The following CSMD1 variants were observed in gnomAD, a reference collection of about 807,000 sequenced individuals.
CSMD1 encodes CUB and Sushi multiple domains 1, also known as CUB and sushi domain-containing protein 1.
In CSMD1, 213 loss-of-function variants were observed where a neutral mutation model predicts 417.5. The ratio of observed to expected loss-of-function variants is 0.51; its 90% CI spans 0.46 to 0.57. The LOEUF (loss-of-function observed/expected upper bound fraction) is 0.57, where lower values mean the gene tolerates loss of function less well. Among genes scored for constraint, CSMD1 ranks in the 20% least tolerant of loss-of-function variants. The pLI is 0.00. For synonymous variants in CSMD1, 2,862 were observed against 1,736.8 expected, an observed-to-expected ratio of 1.65 and a Z score of -16.11; for missense variants, 6,923 against 4,529.7, an observed-to-expected ratio of 1.53 and a Z score of -15.17.
At chr8:3,545,427 A>C (rs757752606) in intron 10 of CSMD1, among the ~76,000 whole-genome samples, 1 of 152,216 alleles carries the variant, frequency 6.6e-6, no homozygotes, top group African/African-American at 2.4e-5. Flanking sequence ...CAAGGTGGCC[A>C]TTTCTGAAAA....
intron 3 of CSMD1, among the ~76,000 whole-genome samples, chr8:4,325,665 C>G (rs1384010016): frequency 6.6e-6 from 1 of 152,106 alleles, no homozygotes; most frequent in African/African-American, 2.4e-5. Flanking sequence ...AACCATCATG[C>G]TCATCTCTAG....
At position 4,403,218 on chromosome 8, in the gene CSMD1, C is replaced by A. The variant is rs745339524; in HGVS notation, c.415+16735G>T. Among the ~76,000 whole-genome samples, 4 of 152,118 alleles carry A rather than the reference C, an allele frequency of 2.6e-5. No individual in the cohort carries two copies. The South Asian group carries it at 8.3e-4, about 31-fold the overall frequency. ...ATATTACTCAACCAATTTTCTTTTC[C>A]TTATGAGAATATAAAGATCATTTCT... On this transcript the variant is annotated intron_variant, in intron 3 of 69. Transcript: ENST00000635120.
chr8:4,577,605 C>T (rs1799199184), intron 2 of CSMD1, among the ~76,000 whole-genome samples: 1 of 152,186 alleles, frequency 6.6e-6, no homozygotes, highest in South Asian at 2.1e-4. Context: ...AGTATCTCTT[C>T]TTCACCAGGT....
chr8:3,936,991 G>A (rs150634902), intron 5 of CSMD1, among the ~76,000 whole-genome samples: 4 of 152,214 alleles, frequency 2.6e-5, no homozygotes, highest in Non-Finnish European at 4.4e-5. Context: ...TTCAATCCTC[G>A]TGAATGACTT....
At chr8:4,094,160 C>T (rs1343082987) in intron 3 of CSMD1, among the ~76,000 whole-genome samples, 1 of 152,028 alleles carries the variant, frequency 6.6e-6, no homozygotes. Context: ...CACAGCCGTG[C>T]ACACGAATGT....
At position 3,494,738 on chromosome 8, in the gene CSMD1, G is replaced by A. The variant is rs533772200; in HGVS notation, c.1345-1012C>T. Among the ~76,000 whole-genome samples the A allele has an allele frequency of 6.6e-5, 10 of 152,266 alleles. No homozygotes were observed. The East Asian group carries it at 1.9e-3, about 29-fold the overall frequency. ...GTAACAAGAGAGACGCAGAGGGTGTGAGAAAGGAAGGCGGAAGAGAGAAGG... is the reference window on the plus strand; with the variant it reads ...GTAACAAGAGAGACGCAGAGGGTGTAAGAAAGGAAGGCGGAAGAGAGAAGG... On this transcript the variant is annotated intron_variant, in intron 10 of 69. Transcript: ENST00000635120.
At chr8:3,018,747 A>C (rs1057335464) in intron 51 of CSMD1, 97 bp from the exon 52 acceptor site, 2 of 1,157,642 alleles carry the variant, frequency 1.7e-6, no homozygotes, top group Non-Finnish European at 2.5e-6. Context: ...AAAACCAAAA[A>C]ACTATTTTTA....
chr8:4,325,644 A>G (rs1430550465), intron 3 of CSMD1, among the ~76,000 whole-genome samples: 1 of 152,114 alleles, frequency 6.6e-6, no homozygotes, highest in Non-Finnish European at 1.5e-5. Context: ...AAACTACCCA[A>G]ATTACACAAC....
chr8:4,899,121 G>T (rs185422981), intron 1 of CSMD1, among the ~76,000 whole-genome samples: 4 of 152,266 alleles, frequency 2.6e-5, no homozygotes, highest in East Asian at 3.9e-4. Context: ...TGGTAATTTG[G>T]TTATACACGT....
At chr8:4,398,292 C>A (rs563863640) in intron 3 of CSMD1, among the ~76,000 whole-genome samples, 1 of 151,500 alleles carries the variant, frequency 6.6e-6, no homozygotes, top group Non-Finnish European at 1.5e-5. Context: ...GGTGGACAAT[C>A]GTCTCTACTC....
At chr8:4,453,812 TTC>T (rs1198598565) in intron 2 of CSMD1, among the ~76,000 whole-genome samples, 1,076 of 102,126 alleles carry the variant, frequency 0.011, 34 homozygotes, top group South Asian at 0.037. Flanking sequence ...CGCAATTCGT[TTC>T]TTTTTTTTTT....
At chr8:4,388,315 C>G (rs969372919) in intron 3 of CSMD1, among the ~76,000 whole-genome samples, 5 of 98,936 alleles carry the variant, frequency 5.1e-5, no homozygotes, top group African/African-American at 2.4e-4. Context: ...CACACACACA[C>G]ACACAGACAC....
intron 11 of CSMD1, among the ~76,000 whole-genome samples, chr8:3,474,685 T>C (rs767549445): frequency 6.6e-6 from 1 of 152,012 alleles, no homozygotes; most frequent in Non-Finnish European, 1.5e-5. Context: ...GTATACAGAG[T>C]TTTACTTGAA....
At chr8:4,946,680 A>G (rs577283063) in intron 1 of CSMD1, among the ~76,000 whole-genome samples, 4 of 152,302 alleles carry the variant, frequency 2.6e-5, no homozygotes, top group South Asian at 4.1e-4. Flanking sequence ...TGTGGTAACA[A>G]TTGTATTATT....
intron 3 of CSMD1, among the ~76,000 whole-genome samples, chr8:4,323,740 G>C (rs1027721982): frequency 3.6e-5 from 5 of 137,330 alleles, no homozygotes; most frequent in African/African-American, 1.2e-4. Flanking sequence ...TTTCACATCC[G>C]CTCACTCAAA....
intron 3 of CSMD1, among the ~76,000 whole-genome samples, chr8:4,108,872 T>G (rs1801706998): frequency 6.6e-6 from 1 of 152,164 alleles, no homozygotes; most frequent in South Asian, 2.1e-4. Flanking sequence ...CTGCAAGAAT[T>G]TGTCACTTTA....
intron 2 of CSMD1, among the ~76,000 whole-genome samples, chr8:4,589,337 G>A (rs12676102): frequency 0.17 from 25,077 of 151,982 alleles, 2,394 homozygotes; most frequent in African/African-American, 0.26. Flanking sequence ...TGTTTTTTCT[G>A]CCTAATTCAA....
Position 3,728,328 on chromosome 8 carries a change from C to A in CSMD1, c.932-19837G>T, listed in dbSNP as rs527241391. ...CTTCCACCATGACTGTGAGGCCTCC[C>A]AGCCACGTGGAACTGGGAGTCCATT... On this transcript the variant is annotated intron_variant, in intron 6 of 69. Transcript: ENST00000635120. 8.5e-5 allele frequency among the ~76,000 whole-genome samples: 13 copies of A among 152,250 alleles called. No homozygotes were observed. In the South Asian group the frequency reaches 2.5e-3, roughly 29 times the overall value.
chr8:4,815,611 G>A (rs757528814), intron 1 of CSMD1, among the ~76,000 whole-genome samples: 12 of 148,126 alleles, frequency 8.1e-5, no homozygotes, highest in Admixed American at 4.1e-4. Context: ...CAGGAGAAGC[G>A]CTTGAACCCA....
Sources: gnomAD v4.1 joint callset for allele counts (sites outside exome capture counted in the v4.1 genomes callset) on GRCh38, gnomAD v4.1.1 for gene constraint, MANE v1.5 for transcripts, NCBI Gene and HGNC (gene_info 2026-07-23, HGNC 2026-07-21) for gene names.